CREB5: variants seen among roughly 807,000 people sequenced by gnomAD.
CREB5 encodes cyclic AMP-responsive element-binding protein 5.
In CREB5, 19 loss-of-function variants were observed where a neutral mutation model predicts 57.1. The ratio of observed to expected loss-of-function variants is 0.33; its 90% CI spans 0.23 to 0.49. The LOEUF is 0.49. CREB5 is among the 20% of genes least tolerant of loss of function. CREB5 has a pLI of 0.99. For missense variants in CREB5, 579 were observed against 671.6 expected, an observed-to-expected ratio of 0.86 and a Z score of 1.52; for synonymous variants, 238 against 238.3, an observed-to-expected ratio of 1.00 and a Z score of 0.01.
At chr7:28,368,690 T>C (rs6948592) in intron 1 of CREB5, among the ~76,000 whole-genome samples, 97,832 of 152,084 alleles carry the variant, frequency 0.64, 31,677 homozygotes, top group African/African-American at 0.71. Context: ...CTTTTAGAAA[T>C]CCTCCCTGAC....
At chr7:28,616,562 G>C (rs1196548697) in intron 5 of CREB5, among the ~76,000 whole-genome samples, 1 of 152,062 alleles carries the variant, frequency 6.6e-6, no homozygotes, top group African/African-American at 2.4e-5. Flanking sequence ...CTCCAGAACA[G>C]GGGTCTCCAG....
chr7:28,494,839 GTAAA>G, intron 2 of CREB5, 63 bp from the exon 3 acceptor site: 1 of 1,024,506 alleles, frequency 9.8e-7, no homozygotes, highest in Non-Finnish European at 1.4e-6. Context: ...CTCAATAATG[GTAAA>G]TATGTTTTTT....
chr7:28,578,679 A>G (rs188701233), intron 5 of CREB5, among the ~76,000 whole-genome samples: 3 of 152,336 alleles, frequency 2.0e-5, no homozygotes, highest in Admixed American at 2.0e-4. Flanking sequence ...AAGAAGCATT[A>G]ATCTAGAAAT....
intron 4 of CREB5, among the ~76,000 whole-genome samples, chr7:28,562,460 TG>T (rs1215711473): frequency 2.6e-5 from 4 of 152,232 alleles, no homozygotes; most frequent in Non-Finnish European, 4.4e-5. Context: ...GACAGAGTTC[TG>T]GGGATTGGAG....
At chr7:28,468,898 G>A (rs185851288) in intron 1 of CREB5, among the ~76,000 whole-genome samples, 13 of 152,320 alleles carry the variant, frequency 8.5e-5, no homozygotes, top group African/African-American at 3.1e-4. Context: ...GATCATGTAG[G>A]TCTTAATGTA....
chr7:28,740,320 A>G (rs2128756481), intron 7 of CREB5, among the ~76,000 whole-genome samples: 2 of 152,218 alleles, frequency 1.3e-5, no homozygotes, highest in South Asian at 4.1e-4. Context: ...TTATTCCCTG[A>G]TTTCTTGGTA....
chr7:28,508,334 A>T (rs1451027278), intron 4 of CREB5, among the ~76,000 whole-genome samples: 1 of 152,228 alleles, frequency 6.6e-6, no homozygotes, highest in Non-Finnish European at 1.5e-5. Context: ...ATCACTTTAC[A>T]AGAATAATGA....
intron 5 of CREB5, among the ~76,000 whole-genome samples, chr7:28,607,873 T>C (rs575057310): frequency 6.6e-6 from 1 of 151,694 alleles, no homozygotes; most frequent in East Asian, 2.0e-4. Context: ...AGGCTCACAG[T>C]AGAAGAGTTA....
chr7:28,322,453 A>T (rs1342277110), intron 1 of CREB5, among the ~76,000 whole-genome samples: 8 of 152,134 alleles, frequency 5.3e-5, no homozygotes, highest in Non-Finnish European at 1.0e-4. Context: ...TTTTACTTTA[A>T]GTTCTGGGAT....
chr7:28,765,671 G>A (rs1249286788), intron 7 of CREB5, among the ~76,000 whole-genome samples: 2 of 152,212 alleles, frequency 1.3e-5, no homozygotes, highest in Non-Finnish European at 2.9e-5. Context: ...ACGAATGGCT[G>A]CAGAGAAGAA....
intron 1 of CREB5, among the ~76,000 whole-genome samples, chr7:28,340,609 G>T (rs557036586): frequency 1.3e-5 from 2 of 152,254 alleles, no homozygotes; most frequent in Non-Finnish European, 2.9e-5. Flanking sequence ...GAAGAGGGGT[G>T]GTGCAAGCAC....
chr7:28,640,468 A>C (rs1177053366), intron 5 of CREB5, among the ~76,000 whole-genome samples: 5 of 152,214 alleles, frequency 3.3e-5, no homozygotes, highest in Non-Finnish European at 4.4e-5. Flanking sequence ...TTGGATGTTC[A>C]TTTTACCATT....
intron 5 of CREB5, among the ~76,000 whole-genome samples, chr7:28,629,882 G>C (rs1175939644): frequency 6.6e-6 from 1 of 152,236 alleles, no homozygotes; most frequent in Non-Finnish European, 1.5e-5. Context: ...CTGTTGGCCA[G>C]TGATTGACAA....
intron 1 of CREB5, among the ~76,000 whole-genome samples, chr7:28,401,440 T>C (rs1424296019): frequency 1.3e-5 from 2 of 152,036 alleles, no homozygotes; most frequent in Non-Finnish European, 2.9e-5. Flanking sequence ...ATAATGTAAG[T>C]TCTAGGGTAC....
At chr7:28,406,640 A>G (rs1443430302) in intron 1 of CREB5, among the ~76,000 whole-genome samples, 1 of 152,236 alleles carries the variant, frequency 6.6e-6, no homozygotes, top group Admixed American at 6.5e-5. Context: ...CCCAGGGGGC[A>G]AATGCCCCAG....
At chr7:28,661,873 A>G (rs958308270) in intron 5 of CREB5, among the ~76,000 whole-genome samples, 1 of 152,250 alleles carries the variant, frequency 6.6e-6, no homozygotes, top group Admixed American at 6.5e-5. Context: ...TGTAAACATT[A>G]TAAATGACAA....
intron 5 of CREB5, among the ~76,000 whole-genome samples, chr7:28,593,341 T>G (rs908033048): frequency 1.3e-5 from 2 of 152,180 alleles, no homozygotes; most frequent in African/African-American, 4.8e-5. Flanking sequence ...CTCCACCTCC[T>G]GGGTTCAAGC....
chr7:28,631,130 A>G (rs373404277), intron 5 of CREB5, among the ~76,000 whole-genome samples: 2 of 152,284 alleles, frequency 1.3e-5, no homozygotes, highest in South Asian at 4.1e-4. Flanking sequence ...CTCTGAGTGT[A>G]TCTTGGTCAG....
chr7:28,494,794 G>A (rs1427531074), intron 2 of CREB5, 112 bp from the exon 3 acceptor site: 1 of 494,760 alleles, frequency 2.0e-6, no homozygotes, highest in Non-Finnish European at 3.3e-6. Context: ...TTTTTGTTTT[G>A]CCTGTCATGT....
Sources: gnomAD v4.1 joint callset for allele counts (sites outside exome capture counted in the v4.1 genomes callset) on GRCh38, gnomAD v4.1.1 for gene constraint, MANE v1.5 for transcripts, NCBI Gene and HGNC (gene_info 2026-07-23, HGNC 2026-07-21) for gene names.